The following FBXO32 variants were observed in gnomAD, a reference collection of about 807,000 sequenced individuals.
FBXO32 encodes the protein F-box only protein 32.
Under a neutral mutation model 48.3 loss-of-function variants are expected in FBXO32, and 15 were observed. That is an observed-to-expected ratio of 0.31 (90% CI 0.21 to 0.48). The LOEUF is 0.48. Ranked by LOEUF, FBXO32 falls within the 20% of genes least tolerant of loss-of-function variation. FBXO32 has a pLI of 0.99. For synonymous variants in FBXO32, 154 were observed against 165.9 expected (o/e 0.93, Z 0.55); for missense variants, 309 against 432.7 (o/e 0.71, Z 2.54).
At chr8:123,524,414 AG>A (rs1307427138) in intron 4 of FBXO32, among the ~76,000 whole-genome samples, 1 of 152,236 alleles carries the variant, frequency 6.6e-6, no homozygotes, top group African/African-American at 2.4e-5. Context: ...CAGCCATTGA[AG>A]GGCCCACCCT....
In FBXO32 at chr8:123,504,712, C is replaced by A. The variant is rs746037232; in HGVS notation, c.870G>T (p.Gln290His). 4.3e-6 allele frequency: 7 copies of A among 1,614,042 alleles called. No individual in the cohort carries two copies. Among genetic ancestry groups the A allele is most frequent in the Non-Finnish European group, 5.9e-6 (7 of 1,179,956 alleles). Residue 290 changes from glutamine to histidine, a missense_variant, in exon 8 of 9, where the codon CAG becomes CAT. Transcript: ENST00000517956. ...RKRLILSDKG[Q>H]LDWKKMYFKL... ...TGAAATACATCTTCTTCCAATCCAG[C>A]TGCCCTTTGTCTGACAGAATTAATC...
At position 123,525,996 on chromosome 8, in the gene FBXO32, G is replaced by A. The variant is rs1817065911; in HGVS notation, c.372+5902C>T. Among the ~76,000 whole-genome samples, 1 of 151,428 alleles carries A rather than the reference G, an allele frequency of 6.6e-6. No individual in the cohort carries two copies. Among genetic ancestry groups the A allele is most frequent in the Non-Finnish European group, 1.5e-5 (1 of 67,942 alleles). The stretch of plus-strand genomic sequence containing the variant: ...CCTCACACTCAAAGCCTCTTCTCAA[G>A]TCTGTCCAATGTCCTTTTCTAGCCA... On this transcript the variant is annotated intron_variant, in intron 4 of 8. Coordinates refer to ENST00000517956, the MANE Select transcript of FBXO32 (RefSeq NM_058229.4). This position sits in a 1 kb window ranked among gnomAD's most constrained non-coding sequence, Gnocchi z 4.3.
At chr8:123,523,637 A>AC (rs1192364204) in intron 4 of FBXO32, among the ~76,000 whole-genome samples, 1 of 152,028 alleles carries the variant, frequency 6.6e-6, no homozygotes, top group African/African-American at 2.4e-5. Flanking sequence ...AAACAAACAA[A>AC]AAAAAGAAAG....
chr8:123,504,584 G>C lies in FBXO32; in HGVS notation c.978+20C>G. On this transcript the variant is annotated intron_variant, in intron 8 of 8. Coordinates refer to ENST00000517956, the MANE Select transcript of FBXO32 (RefSeq NM_058229.4). ...GGGGCTGGGCTGGGGGTCTGTGGCA[G>C]CCACCTCTGAGACACATACCTTCCA... 6.2e-7 allele frequency: 1 copy of C among 1,605,048 alleles called. No individual in the cohort carries two copies. Among genetic ancestry groups the C allele is most frequent in the East Asian group, 2.3e-5 (1 of 44,240 alleles).
intron 4 of FBXO32, 100 bp from the exon 5 acceptor site, chr8:123,514,433 G>A (rs972744224): frequency 2.1e-5 from 16 of 772,156 alleles, no homozygotes; most frequent in South Asian, 9.7e-5. Flanking sequence ...ACAGACTGAC[G>A]GGGAGAGATA....
In FBXO32 at chr8:123,502,039, T is replaced by C. The variant is rs911536357; in HGVS notation, c.*1334A>G. On this transcript the variant is annotated 3_prime_UTR_variant, in exon 9 of 9. Coordinates refer to ENST00000517956, the MANE Select transcript of FBXO32 (RefSeq NM_058229.4). The stretch of plus-strand genomic sequence containing the variant: ...TTTGCCTCGTAAGATCCCCTTGGGA[T>C]CTTCCTGTTTTAACTACCCAGCCCG... The C allele has an allele frequency of 6.6e-6, 1 of 152,156 alleles. No homozygotes were observed. Among genetic ancestry groups the C allele is most frequent in the African/African-American group, 2.4e-5 (1 of 41,432 alleles). The allele number at this position is 152,156 out of a possible 1,614,324, so 9.4% of individuals were successfully genotyped here.
intron 6 of FBXO32, among the ~76,000 whole-genome samples, chr8:123,511,163 G>A (rs1232077845): frequency 6.6e-6 from 1 of 152,236 alleles, no homozygotes; most frequent in Non-Finnish European, 1.5e-5. Flanking sequence ...GGAAACCACT[G>A]ATGTCAAGCA....
intron 4 of FBXO32, among the ~76,000 whole-genome samples, chr8:123,518,728 T>C (rs78410781): frequency 0.082 from 12,444 of 152,264 alleles, 938 homozygotes; most frequent in East Asian, 0.46. Context: ...ATTGAGGATA[T>C]TGAGGCTCAG....
chr8:123,527,798 G>A (rs1329198086), intron 4 of FBXO32, among the ~76,000 whole-genome samples: 1 of 152,046 alleles, frequency 6.6e-6, no homozygotes, highest in Non-Finnish European at 1.5e-5. Flanking sequence ...TTCAATACAG[G>A]TATGGTTATC....
rs1816452674 is a variant in FBXO32, at chr8:123,500,186, C to A, written c.*3187G>T. 6.6e-6 allele frequency: 1 copy of A among 151,950 alleles called. No homozygotes were observed. Among genetic ancestry groups the A allele is most frequent in the Admixed American group, 6.6e-5 (1 of 15,254 alleles). The allele number at this position is 151,950 out of a possible 1,614,324, so 9.4% of individuals were successfully genotyped here. A position where few individuals can be genotyped will look rare whatever the true frequency, so the allele number is the denominator to read the frequency against. On this transcript the variant is annotated 3_prime_UTR_variant, in exon 9 of 9. Coordinates refer to ENST00000517956, the MANE Select transcript of FBXO32 (RefSeq NM_058229.4). ...CTCTAGTGTGAGCACTCCTGAACTTCACATATTCTCCTTGTCCCAAATGCA... is the reference window on the plus strand; with the variant it reads ...CTCTAGTGTGAGCACTCCTGAACTTAACATATTCTCCTTGTCCCAAATGCA...
intron 4 of FBXO32, among the ~76,000 whole-genome samples, chr8:123,529,547 T>C (rs961085441): frequency 6.6e-6 from 1 of 152,202 alleles, no homozygotes; most frequent in African/African-American, 2.4e-5. Flanking sequence ...TTGAGACAGT[T>C]TGAAATCAGT....
At position 123,499,695 on chromosome 8, in the gene FBXO32, G is replaced by A. The variant is rs1318203019; in HGVS notation, c.*3678C>T. The A allele has an allele frequency of 6.6e-6, 1 of 152,108 alleles. No individual in the cohort carries two copies. Among genetic ancestry groups the A allele is most frequent in the Non-Finnish European group, 1.5e-5 (1 of 68,020 alleles). 9.4% of individuals were successfully genotyped at this position (152,108 alleles called of 1,614,324 possible). The stretch of plus-strand genomic sequence containing the variant: ...ATACACTGTTGAACATCTCCTGAAT[G>A]GTTTGCCTTCTTGTAAATCATACCA... On this transcript the variant is annotated 3_prime_UTR_variant, in exon 9 of 9. Transcript: ENST00000517956.
Position 123,513,332 on chromosome 8 carries a change from G to A in FBXO32, c.517C>T (p.Leu173Phe), listed in dbSNP as rs1304880359. The A allele has an allele frequency of 1.2e-6, 2 of 1,614,166 alleles. No individual in the cohort carries two copies. Among genetic ancestry groups the A allele is most frequent in the Middle Eastern group, 1.6e-4 (1 of 6,062 alleles). Residue 173 changes from leucine (L) to phenylalanine (F), a missense_variant, in exon 6 of 9, where the codon CTC becomes TTC. By Grantham distance (22) the Leu-to-Phe change is conservative (BLOSUM62 0). Transcript: ENST00000517956. This position sits in a 1 kb window ranked among gnomAD's most constrained non-coding sequence, Gnocchi z 4.3. ...ACCAGTGTACATAAGGATGTGTAGA[G>A]GGTCTGGAGTAGTTCCCTTATTAGT... ...IRLIRELLQT[L>F]YTSLCTLVQR...
chr8:123,514,251 A>C lies in FBXO32; in HGVS notation c.455T>G (p.Val152Gly). 6.8e-6 allele frequency: 11 copies of C among 1,612,538 alleles called. No individual in the cohort carries two copies. Among genetic ancestry groups the C allele is most frequent in the Non-Finnish European group, 9.3e-6 (11 of 1,179,338 alleles). Residue 152 changes from valine to glycine, a missense_variant, in exon 5 of 9, where the codon GTG (valine) becomes GGG (glycine). By Grantham distance (109) the Val-to-Gly change is moderately radical (BLOSUM62 -3). Transcript: ENST00000517956. ...GAGAGAAGGCTCACCTTTCAGTACC[A>C]CTTTTTCCAAAATATTCATGAAGTT... ...QKNFMNILEKVVLKVLEDQQN... is the reference protein window; with the variant it reads ...QKNFMNILEKGVLKVLEDQQN...
At chr8:123,520,589 G>T (rs1475410356) in intron 4 of FBXO32, among the ~76,000 whole-genome samples, 2 of 152,182 alleles carry the variant, frequency 1.3e-5, no homozygotes, top group East Asian at 3.9e-4. Context: ...TCTCAGAGCG[G>T]ATATCAACCA....
At chr8:123,534,868 G>A in intron 1 of FBXO32, 54 bp from the exon 2 acceptor site, 4 of 1,120,560 alleles carry the variant, frequency 3.6e-6, no homozygotes, top group Non-Finnish European at 5.3e-6. Flanking sequence ...ACATGAACCT[G>A]AGCTGTTTCT....
intron 2 of FBXO32, 35 bp from the exon 3 acceptor site, chr8:123,533,275 C>T: frequency 6.8e-7 from 1 of 1,471,550 alleles, no homozygotes; most frequent in African/African-American, 1.4e-5. Flanking sequence ...GCTTTAACAT[C>T]TGCAACATGC....
rs1322012064 is a variant in FBXO32 at position 123,506,400 on chromosome 8, C to T, written c.826G>A (p.Glu276Lys). The change falls in exon 7 of 9, where the codon GAG (glutamate) becomes AAG (lysine). Residue 276 changes from glutamate (E) to lysine (K), a missense_variant. Physicochemically the swap from Glu to Lys is moderately conservative, Grantham distance 56. Transcript: ENST00000517956. The surrounding 1 kb of genome is among the most constrained non-coding windows in gnomAD (Gnocchi z 4.0). The part of the protein sequence containing the change: ...WKKLCQYHFS[E>K]RQIRKRLILS... ...CACTGGGCCTTGCTGACCTGCCGCTCGGAGAAGTGGTACTGGCAGAGTTTC... is the reference window on the plus strand; with the variant it reads ...CACTGGGCCTTGCTGACCTGCCGCTTGGAGAAGTGGTACTGGCAGAGTTTC... 11 of 1,613,508 alleles carry T rather than the reference C, an allele frequency of 6.8e-6. No homozygotes were observed. The highest frequency in any genetic ancestry group is 1.3e-5 in the African/African-American group (1 of 74,896).
At position 123,505,918 on chromosome 8, in the gene FBXO32, A is replaced by G. The variant is rs1270527009; in HGVS notation, c.834+474T>C. On this transcript the variant is annotated intron_variant, in intron 7 of 8. Transcript: ENST00000517956. ...TACCTGAAACACACACACACACAAC[A>G]TCTCTATTTAAAAACTCAGACAGGG... is the stretch of plus-strand genomic sequence containing the variant. Among the ~76,000 whole-genome samples, 3 of 152,024 alleles carry G rather than the reference A, an allele frequency of 2.0e-5. No individual in the cohort carries two copies. The East Asian group carries it at 5.8e-4, about 29-fold the overall frequency.
Sources: allele counts gnomAD v4.1 joint callset (sites outside exome capture counted in the v4.1 genomes callset), GRCh38; gene constraint gnomAD v4.1.1; non-coding constraint Gnocchi (gnomAD v3.1); transcripts MANE v1.5; gene names NCBI Gene and HGNC (gene_info 2026-07-23, HGNC 2026-07-21).